The following TRPC5 variants were observed in gnomAD, a reference collection of about 807,000 sequenced individuals.
The protein encoded by TRPC5 is short transient receptor potential channel 5.
Under a neutral mutation model 56.5 loss-of-function variants are expected in TRPC5, and 9 were observed. That is an observed-to-expected ratio of 0.16 (90% CI 0.10 to 0.28). The LOEUF (loss-of-function observed/expected upper bound fraction) is 0.28. TRPC5 is among the 10% of genes least tolerant of loss of function. The pLI, the probability that TRPC5 is intolerant of heterozygous loss-of-function variation, is 1.00. For synonymous variants in TRPC5, 282 were observed against 278.5 expected, an observed-to-expected ratio of 1.01 and a Z score of -0.13; for missense variants, 469 against 748.9, an observed-to-expected ratio of 0.63 and a Z score of 4.36.
In TRPC5 at chrX:111,937,236, G is replaced by A. The variant is rs182748761; in HGVS notation, c.378+14807C>T. 2.3e-3 allele frequency among the ~76,000 whole-genome samples: 241 copies of A among 105,224 alleles called. 4 individuals carry two copies. In the East Asian group the frequency reaches 0.062, roughly 27 times the overall value. The allele number at this position is 105,224 out of a possible 115,157, so 91.4% of individuals were successfully genotyped here. A position where few individuals can be genotyped will look rare whatever the true frequency, so the allele number is the denominator to read the frequency against. On this transcript the variant is annotated intron_variant, in intron 2 of 10. Coordinates refer to ENST00000262839, the MANE Select transcript of TRPC5 (RefSeq NM_012471.3). ...TTTGTTGGAGTTCATTGTAGATTCT[G>A]GATATGAGCCCTTTGTCAGATGAGT...
At chrX:111,938,876 G>A (rs1471400562) in intron 2 of TRPC5, among the ~76,000 whole-genome samples, 11 of 112,003 alleles carry the variant, frequency 9.8e-5, no homozygotes, top group African/African-American at 3.6e-4. Flanking sequence ...TGACTTCTTT[G>A]TTTCCAATCT....
At chrX:111,938,717 A>C (rs1238252175) in intron 2 of TRPC5, among the ~76,000 whole-genome samples, 1 of 111,940 alleles carries the variant, frequency 8.9e-6, no homozygotes, top group Non-Finnish European at 1.9e-5. Context: ...ATGGTGGATA[A>C]GCTTTTTAAT....
intron 1 of TRPC5, among the ~76,000 whole-genome samples, chrX:111,991,985 C>T (rs780016669): frequency 1.2e-4 from 14 of 112,247 alleles, no homozygotes; most frequent in Non-Finnish European, 2.6e-4. Flanking sequence ...TATCATCACT[C>T]TTATTACTGT....
chrX:111,993,774 T>C (rs1226315431), intron 1 of TRPC5, among the ~76,000 whole-genome samples: 10 of 112,465 alleles, frequency 8.9e-5, no homozygotes. Context: ...GTAAATTTGT[T>C]TGAGTTCTTT....
chrX:111,788,841 G>A (rs1288739015), intron 7 of TRPC5, among the ~76,000 whole-genome samples: 2 of 111,395 alleles, frequency 1.8e-5, no homozygotes, highest in African/African-American at 6.5e-5. Context: ...AAAATACCTA[G>A]GAATTCAACT....
intron 1 of TRPC5, among the ~76,000 whole-genome samples, chrX:111,996,948 A>G (rs142776119): frequency 7.6e-4 from 85 of 111,469 alleles, no homozygotes; most frequent in African/African-American, 2.7e-3. Flanking sequence ...TCTTGGCTCT[A>G]TGCAATTTGC....
chrX:112,013,923 T>C (rs148316936), intron 1 of TRPC5, among the ~76,000 whole-genome samples: 1,788 of 111,893 alleles, frequency 0.016, 34 homozygotes, highest in African/African-American at 0.055. Context: ...GAATACTTGC[T>C]GATGTGAAAA....
At chrX:112,021,474 A>G (rs746124722) in intron 1 of TRPC5, among the ~76,000 whole-genome samples, 12 of 112,298 alleles carry the variant, frequency 1.1e-4, no homozygotes, top group Non-Finnish European at 2.1e-4. Flanking sequence ...CTACTCATAC[A>G]GATGTCTGGG....
Position 111,907,353 on chromosome X carries a change from G to A in TRPC5, c.900+4938C>T, listed in dbSNP as rs1194244396. Among the ~76,000 whole-genome samples the A allele has an allele frequency of 3.6e-5, 4 of 111,268 alleles. No homozygotes were observed. The Admixed American group carries it at 3.8e-4, about 11-fold the overall frequency. On this transcript the variant is annotated intron_variant, in intron 3 of 10. Transcript: ENST00000262839. ...AACATAATGCGAGCATAGGACTGGC[G>A]CGGTGGCTCATCCCTATAATCCAAG...
chrX:111,879,427 G>C (rs891779316), intron 3 of TRPC5, among the ~76,000 whole-genome samples: 5 of 112,114 alleles, frequency 4.5e-5, no homozygotes, highest in Non-Finnish European at 9.4e-5. Context: ...TGAACTAGGA[G>C]TGAGAATAAG....
chrX:111,896,498 A>G (rs942513028), intron 3 of TRPC5: 5 of 110,251 alleles, frequency 4.5e-5, no homozygotes, highest in Non-Finnish European at 7.6e-5. Context: ...TATCACAGGT[A>G]AGTAGTTTAT....
intron 3 of TRPC5, among the ~76,000 whole-genome samples, chrX:111,877,522 T>C (rs191239170): frequency 2.9e-4 from 32 of 111,153 alleles, no homozygotes; most frequent in Admixed American, 1.6e-3. Context: ...GAGGTATGTA[T>C]GGATGGTGTT....
chrX:112,075,033 C>T (rs1930803215), intron 1 of TRPC5, among the ~76,000 whole-genome samples: 1 of 112,494 alleles, frequency 8.9e-6, no homozygotes, highest in Admixed American at 9.4e-5. Context: ...TCAGCCTTTT[C>T]CTAGATGTAT....
intron 7 of TRPC5, among the ~76,000 whole-genome samples, chrX:111,801,031 T>C (rs1921292049): frequency 8.9e-6 from 1 of 111,762 alleles, no homozygotes; most frequent in Admixed American, 9.5e-5. Flanking sequence ...TATTGGCAGT[T>C]ACTTTCCAGC....
At chrX:111,970,136 T>C (rs1927739515) in intron 1 of TRPC5, among the ~76,000 whole-genome samples, 1 of 111,487 alleles carries the variant, frequency 9.0e-6, no homozygotes, top group Non-Finnish European at 1.9e-5. Context: ...GTTACAGTGC[T>C]GCTATCTGTG....
chrX:112,015,051 T>G lies in TRPC5; in HGVS notation c.-21-62610A>C, dbSNP rs989884477. 6.1e-5 allele frequency among the ~76,000 whole-genome samples: 5 copies of G among 81,573 alleles called. No homozygotes were observed. The Admixed American group carries it at 6.9e-4, about 11-fold the overall frequency. The allele number at this position is 81,573 out of a possible 115,157, so 70.8% of individuals were successfully genotyped here. On this transcript the variant is annotated intron_variant, in intron 1 of 10. Coordinates refer to ENST00000262839, the MANE Select transcript of TRPC5 (RefSeq NM_012471.3). ...TTCTTGCCATTTTTTTTTTTTTTTT[T>G]GACATAGTCTCAGAGTCTGGCTCTG...
At chrX:111,894,768 G>T (rs1455247814) in intron 3 of TRPC5, among the ~76,000 whole-genome samples, 1 of 111,265 alleles carries the variant, frequency 9.0e-6, no homozygotes, top group African/African-American at 3.3e-5. Flanking sequence ...ATAGTAAATT[G>T]CGCAAATTTT....
intron 1 of TRPC5, among the ~76,000 whole-genome samples, chrX:112,006,549 C>G (rs1264132626): frequency 3.6e-5 from 4 of 111,031 alleles, no homozygotes; most frequent in Non-Finnish European, 7.5e-5. Flanking sequence ...AGTGTAGAAC[C>G]AGGCCCCTCA....
chrX:111,856,295 GC>G (rs1384303473), intron 3 of TRPC5, among the ~76,000 whole-genome samples: 1 of 110,150 alleles, frequency 9.1e-6, no homozygotes. Context: ...TAGTCCTGGA[GC>G]TTTGAGAGGC....
Sources: allele counts gnomAD v4.1 joint callset (sites outside exome capture counted in the v4.1 genomes callset), GRCh38; gene constraint gnomAD v4.1.1; transcripts MANE v1.5; gene names NCBI Gene and HGNC (gene_info 2026-07-23, HGNC 2026-07-21).